Variants in NECAB1 observed in about 807,000 individuals in gnomAD.
NECAB1 encodes the protein N-terminal EF-hand calcium-binding protein 1.
In NECAB1, 29 loss-of-function variants were observed where a neutral mutation model predicts 57.5. The observed-to-expected ratio is 0.50, with a 90% CI of 0.38 to 0.69. The LOEUF (loss-of-function observed/expected upper bound fraction) is 0.69, where lower values mean the gene tolerates loss of function less well. Among genes scored for constraint, NECAB1 ranks in the 30% least tolerant of loss-of-function variants. NECAB1 has a pLI of 0.00. For synonymous variants in NECAB1, 142 were observed against 147.7 expected (o/e 0.96, Z 0.28); for missense variants, 372 against 413.8 (o/e 0.90, Z 0.88).
intron 2 of NECAB1, among the ~76,000 whole-genome samples, chr8:90,819,732 T>C (rs1812113522): frequency 6.6e-6 from 1 of 151,878 alleles, no homozygotes; most frequent in South Asian, 2.1e-4. Flanking sequence ...TTGCAGGTGT[T>C]TTTTAGCTGT....
intron 10 of NECAB1, among the ~76,000 whole-genome samples, chr8:90,948,751 T>C (rs143079810): frequency 1.3e-5 from 2 of 152,226 alleles, no homozygotes; most frequent in African/African-American, 2.4e-5. Flanking sequence ...TGGGTCTTCA[T>C]CATTTCTCAC....
intron 3 of NECAB1, among the ~76,000 whole-genome samples, chr8:90,832,356 T>C (rs1005460313): frequency 6.6e-6 from 1 of 152,138 alleles, no homozygotes; most frequent in African/African-American, 2.4e-5. Flanking sequence ...GAGTGCAGAA[T>C]CAACAAGCCA....
chr8:90,813,464 C>A (rs1001874792), intron 2 of NECAB1, among the ~76,000 whole-genome samples: 2 of 151,888 alleles, frequency 1.3e-5, no homozygotes, highest in African/African-American at 4.8e-5. Flanking sequence ...AATGTAGAGT[C>A]AGCTTTTAAT....
chr8:90,801,708 C>T lies in NECAB1; in HGVS notation c.117C>T (p.Asp39=), dbSNP rs376370258. ...SIFLDILRRA[D]KNDDGKLSFE... is the part of the protein sequence containing the mutation. Reference sequence around the variant, plus strand: ...CTTTCCAGATACTGAGGAGAGCAGACAAAAATGGTAAGACCAAAAATCTAC... The same window carrying T: ...CTTTCCAGATACTGAGGAGAGCAGATAAAAATGGTAAGACCAAAAATCTAC... The change falls in exon 2 of 13, where the codon GAC becomes GAT. Residue 39 remains aspartate (D), a synonymous_variant. Coordinates refer to ENST00000417640, the MANE Select transcript of NECAB1 (RefSeq NM_022351.5). 5 of 1,524,490 alleles carry T rather than the reference C, an allele frequency of 3.3e-6. No homozygotes were observed. Among genetic ancestry groups the T allele is most frequent in the African/African-American group, 2.8e-5 (2 of 72,102 alleles). 94.4% of individuals were successfully genotyped at this position (1,524,490 alleles called of 1,614,324 possible).
intron 5 of NECAB1, among the ~76,000 whole-genome samples, chr8:90,904,542 G>A (rs1217529871): frequency 6.6e-6 from 1 of 151,836 alleles, no homozygotes; most frequent in Non-Finnish European, 1.5e-5. Flanking sequence ...GTGAACTAGA[G>A]GACACAACTG....
intron 10 of NECAB1, among the ~76,000 whole-genome samples, chr8:90,944,761 G>A (rs1036274642): frequency 1.3e-5 from 2 of 152,160 alleles, no homozygotes; most frequent in South Asian, 2.1e-4. Context: ...ACTCAGCTAC[G>A]AAATTCGAGA....
rs1376058579 is a variant in NECAB1, at chr8:90,956,030, A to G, written c.*518A>G. 1.3e-5 allele frequency: 2 copies of G among 152,174 alleles called. No homozygotes were observed. The highest frequency in any genetic ancestry group is 6.6e-5 in the Admixed American group (1 of 15,220). The allele number at this position is 152,174 out of a possible 1,614,324, so 9.4% of individuals were successfully genotyped here. ...ACAGCCCTATGACTACTATCTTTGC[A>G]TTAGTTAAAAAGTTAGTATATAGGC... is the stretch of plus-strand genomic sequence containing the variant. On this transcript the variant is annotated 3_prime_UTR_variant, in exon 13 of 13. Transcript: ENST00000417640.
rs200075536 is a variant in NECAB1, at chr8:90,808,640, C to CTTTTTTTTTTTTTTTT, written c.124+6933_124+6948dup. 1.4e-3 allele frequency among the ~76,000 whole-genome samples: 114 copies of CTTTTTTTTTTTTTTTT among 81,278 alleles called. 2 individuals are homozygous for CTTTTTTTTTTTTTTTT. Among genetic ancestry groups the CTTTTTTTTTTTTTTTT allele is most frequent in the African/African-American group, 3.1e-3 (60 of 19,154 alleles). 53.3% of individuals were successfully genotyped at this position (81,278 alleles called of 152,430 possible). A position where few individuals can be genotyped will look rare whatever the true frequency, so the allele number is the denominator to read the frequency against. On this transcript the variant is annotated intron_variant, in intron 2 of 12. Transcript: ENST00000417640. ...TTCATCCTAATCCTTTTTTTCTTTT[C>CTTTTTTTTTTTTTTTT]TTTTTTTTTTTTTTTTTTTTTTTGA...
chr8:90,840,868 G>A (rs1395709246), intron 3 of NECAB1, among the ~76,000 whole-genome samples: 1 of 151,110 alleles, frequency 6.6e-6, no homozygotes, highest in Non-Finnish European at 1.5e-5. Flanking sequence ...GCTGCTATTT[G>A]TGGTGGGGGA....
At chr8:90,840,429 T>C (rs1812435794) in intron 3 of NECAB1, among the ~76,000 whole-genome samples, 2 of 152,228 alleles carry the variant, frequency 1.3e-5, no homozygotes, top group Admixed American at 1.3e-4. Flanking sequence ...GAGTACGCAC[T>C]AAGGCAAGCC....
chr8:90,823,518 G>A (rs772942190), intron 2 of NECAB1, among the ~76,000 whole-genome samples: 77 of 151,802 alleles, frequency 5.1e-4, no homozygotes, highest in Non-Finnish European at 7.4e-4. Context: ...CCCTCTGTGA[G>A]ATTCTAATTC....
At chr8:90,906,885 A>G (rs1315590010) in intron 5 of NECAB1, among the ~76,000 whole-genome samples, 1 of 120,914 alleles carries the variant, frequency 8.3e-6, no homozygotes, top group Non-Finnish European at 1.6e-5. Context: ...ACATATATAT[A>G]TATATATATA....
At chr8:90,807,993 T>C (rs1238082592) in intron 2 of NECAB1, among the ~76,000 whole-genome samples, 1 of 150,154 alleles carries the variant, frequency 6.7e-6, no homozygotes, top group Non-Finnish European at 1.5e-5. Flanking sequence ...TAAAGAAAAA[T>C]AAATTTTCTA....
rs145354612 is a variant in NECAB1, at chr8:90,843,199, C to T, written c.233+18374C>T. 1.1e-3 allele frequency among the ~76,000 whole-genome samples: 171 copies of T among 152,264 alleles called. 2 individuals carry two copies. The East Asian group carries it at 0.024, about 21-fold the overall frequency. On this transcript the variant is annotated intron_variant, in intron 3 of 12. Transcript: ENST00000417640. The stretch of plus-strand genomic sequence containing the variant: ...AACAGGAAGGGGAAAAACCCACCCC[C>T]GTGATTCGATTACCTCCCACTGGAT...
At chr8:90,930,574 A>G (rs777208618) in intron 8 of NECAB1, among the ~76,000 whole-genome samples, 2 of 152,158 alleles carry the variant, frequency 1.3e-5, no homozygotes, top group Non-Finnish European at 2.9e-5. Context: ...GAGGATGGGT[A>G]AGGTCTCTGA....
chr8:90,903,135 T>C (rs1301713015), intron 5 of NECAB1, among the ~76,000 whole-genome samples: 1 of 152,022 alleles, frequency 6.6e-6, no homozygotes, highest in Non-Finnish European at 1.5e-5. Flanking sequence ...CAATATATTA[T>C]AGATATTTCA....
At chr8:90,844,391 T>C (rs1416223642) in intron 3 of NECAB1, among the ~76,000 whole-genome samples, 2 of 152,156 alleles carry the variant, frequency 1.3e-5, no homozygotes, top group Non-Finnish European at 2.9e-5. Flanking sequence ...AGGGTCCCTA[T>C]AGTGTTTTCA....
chr8:90,909,326 G>A (rs184917247), intron 5 of NECAB1, among the ~76,000 whole-genome samples: 2 of 151,664 alleles, frequency 1.3e-5, no homozygotes, highest in East Asian at 1.9e-4. Flanking sequence ...CTGCTTTCAT[G>A]TGATCTCTTG....
At chr8:90,870,167 A>T (rs1284276865) in intron 3 of NECAB1, among the ~76,000 whole-genome samples, 2 of 152,056 alleles carry the variant, frequency 1.3e-5, no homozygotes, top group Non-Finnish European at 2.9e-5. Context: ...CTCCCCAGCC[A>T]TGCTTCCTGA....
Sources: gnomAD v4.1 joint callset for allele counts (sites outside exome capture counted in the v4.1 genomes callset) on GRCh38, gnomAD v4.1.1 for gene constraint, MANE v1.5 for transcripts, NCBI Gene and HGNC (gene_info 2026-07-23, HGNC 2026-07-21) for gene names.